Variants in KCNIP4 observed in about 807,000 individuals in gnomAD.
KCNIP4 encodes the protein potassium voltage-gated channel interacting protein 4.
KCNIP4 carries 12 observed loss-of-function variants against 34.0 expected under a neutral mutation model. That is an observed-to-expected ratio of 0.35 (90% CI 0.23 to 0.57). The LOEUF is 0.57. KCNIP4 is among the 20% of genes least tolerant of loss of function. The pLI, the probability that KCNIP4 is intolerant of heterozygous loss-of-function variation, is 0.83. For missense variants in KCNIP4, 238 were observed against 311.7 expected (o/e 0.76, Z 1.78); for synonymous variants, 124 against 102.2 (o/e 1.21, Z -1.29).
chr4:21,513,459 G>A (rs11942384), intron 1 of KCNIP4, among the ~76,000 whole-genome samples: 70,393 of 152,032 alleles, frequency 0.46, 16,995 homozygotes, highest in East Asian at 0.62. Context: ...AGTACCAGAA[G>A]GTAGCATAAT....
intron 1 of KCNIP4, among the ~76,000 whole-genome samples, chr4:21,898,351 C>A (rs915074079): frequency 3.3e-5 from 5 of 152,126 alleles, no homozygotes; most frequent in Non-Finnish European, 5.9e-5. Flanking sequence ...CAACCCCAGG[C>A]AGCACAGCTC....
chr4:21,933,200 A>T (rs1012232615), intron 1 of KCNIP4, among the ~76,000 whole-genome samples: 5 of 152,080 alleles, frequency 3.3e-5, no homozygotes, highest in African/African-American at 1.2e-4. Context: ...AGGGACCAAG[A>T]TCAGATAATG....
At chr4:21,443,529 C>A (rs1727672396) in intron 1 of KCNIP4, among the ~76,000 whole-genome samples, 1 of 152,122 alleles carries the variant, frequency 6.6e-6, no homozygotes, top group African/African-American at 2.4e-5. Context: ...CGACTATACC[C>A]AATCAATTGA....
At chr4:21,287,697 C>A (rs1014643602) in intron 1 of KCNIP4, among the ~76,000 whole-genome samples, 1 of 152,084 alleles carries the variant, frequency 6.6e-6, no homozygotes, top group Admixed American at 6.6e-5. Context: ...CCCACATAAA[C>A]CTATTTTGCA....
intron 1 of KCNIP4, among the ~76,000 whole-genome samples, chr4:21,746,087 T>C (rs1023647904): frequency 3.3e-5 from 5 of 152,158 alleles, no homozygotes; most frequent in African/African-American, 9.6e-5. Context: ...TGTCCCCACA[T>C]AGCTGTCCTC....
Position 21,200,816 on chromosome 4 carries a change from T to TA in KCNIP4, c.62-318108dup, listed in dbSNP as rs57504668. ...TAAAAAAAATAAAAATTTTTTTTTT[T>TA]AAAAAAAGCATCGTTCCATCCAGTG... On this transcript the variant is annotated intron_variant, in intron 1 of 8. Transcript: ENST00000382152. Among the ~76,000 whole-genome samples the TA allele has an allele frequency of 9.2e-5, 14 of 151,994 alleles. 1 individual carries two copies. The highest frequency in any genetic ancestry group is 1.3e-4 in the Admixed American group (2 of 15,262).
chr4:20,914,402 C>T (rs1006109631), intron 1 of KCNIP4, among the ~76,000 whole-genome samples: 3 of 152,092 alleles, frequency 2.0e-5, no homozygotes, highest in South Asian at 2.1e-4. Context: ...AAAGAGACCC[C>T]GGAGAGCTCC....
At chr4:21,237,456 C>T (rs989044371) in intron 1 of KCNIP4, among the ~76,000 whole-genome samples, 16 of 151,994 alleles carry the variant, frequency 1.1e-4, no homozygotes, top group Non-Finnish European at 2.4e-4. Context: ...ATTCCTGGTC[C>T]TATCAAGCCC....
At chr4:21,086,981 CTT>C (rs1491447223) in intron 1 of KCNIP4, among the ~76,000 whole-genome samples, 1 of 145,920 alleles carries the variant, frequency 6.9e-6, no homozygotes, top group Non-Finnish European at 1.5e-5. Context: ...CTCTCTCTCT[CTT>C]TCTTTCTTTT....
chr4:21,627,249 C>A lies in KCNIP4; in HGVS notation c.61+321322G>T, dbSNP rs114492027. ...TTTCTACACTGCATTCTACACTAGG[C>A]AGTTTAGCTCTTGGTTATAAACCAT... On this transcript the variant is annotated intron_variant, in intron 1 of 8. Coordinates refer to ENST00000382152, the MANE Select transcript of KCNIP4 (RefSeq NM_025221.6). Among the ~76,000 whole-genome samples the A allele has an allele frequency of 6.8e-3, 1,039 of 152,202 alleles. 11 individuals are homozygous for A. Among genetic ancestry groups the A allele is most frequent in the African/African-American group, 0.024 (978 of 41,522 alleles).
At chr4:21,935,351 C>G (rs573333418) in intron 1 of KCNIP4, among the ~76,000 whole-genome samples, 1 of 152,140 alleles carries the variant, frequency 6.6e-6, no homozygotes, top group South Asian at 2.1e-4. Flanking sequence ...CCATTATTGT[C>G]CTCAGAAACC....
rs1199656789 is a variant in KCNIP4, at chr4:20,729,084, T to TAGTAGACAGTGG, written c.*986_*997dup. Reference sequence around the variant, plus strand: ...GCTAATTTTGCTTGCTGTTTGTTCTTAGTAGACAGTGGGGTAGTCAAGGTT... The same window carrying TAGTAGACAGTGG: ...GCTAATTTTGCTTGCTGTTTGTTCTTAGTAGACAGTGGAGTAGACAGTGGGGTAGTCAAGGTT... On this transcript the variant is annotated 3_prime_UTR_variant, in exon 9 of 9. Transcript: ENST00000382152. The TAGTAGACAGTGG allele has an allele frequency of 1.3e-5, 2 of 152,108 alleles. No homozygotes were observed. Among genetic ancestry groups the TAGTAGACAGTGG allele is most frequent in the East Asian group, 4.0e-4 (2 of 5,056 alleles). The allele number at this position is 152,108 out of a possible 1,614,324, so 9.4% of individuals were successfully genotyped here.
At chr4:21,639,847 T>C (rs546007210) in intron 1 of KCNIP4, among the ~76,000 whole-genome samples, 1 of 152,280 alleles carries the variant, frequency 6.6e-6, no homozygotes, top group South Asian at 2.1e-4. Context: ...CAGGATAGAT[T>C]TGGGGACCCA....
chr4:21,633,715 G>A lies in KCNIP4; in HGVS notation c.61+314856C>T, dbSNP rs543479423. ...TTATCAAAGATTTCTAAGAACTTTT[G>A]TTAATATGGGTTTTATCTTGATATT... On this transcript the variant is annotated intron_variant, in intron 1 of 8. Coordinates refer to ENST00000382152, the MANE Select transcript of KCNIP4 (RefSeq NM_025221.6). Among the ~76,000 whole-genome samples the A allele has an allele frequency of 1.4e-4, 22 of 152,010 alleles. No homozygotes were observed. In the East Asian group the frequency reaches 2.7e-3, roughly 19 times the overall value.
At chr4:21,131,609 C>G (rs1751079219) in intron 1 of KCNIP4, among the ~76,000 whole-genome samples, 1 of 151,714 alleles carries the variant, frequency 6.6e-6, no homozygotes. Context: ...GACTCAGTCT[C>G]AAAACAAAAA....
intron 1 of KCNIP4, among the ~76,000 whole-genome samples, chr4:20,945,788 G>A (rs948862952): frequency 6.6e-6 from 1 of 152,152 alleles, no homozygotes; most frequent in Non-Finnish European, 1.5e-5. Flanking sequence ...TTAGAGTTCA[G>A]GCAGCCTGAG....
At chr4:21,035,943 G>A (rs1741408308) in intron 1 of KCNIP4, among the ~76,000 whole-genome samples, 1 of 152,134 alleles carries the variant, frequency 6.6e-6, no homozygotes, top group Admixed American at 6.5e-5. Context: ...GAGGGAGGAA[G>A]ACAGCCTAGC....
rs1723689892 is a variant in KCNIP4 at position 21,841,681 on chromosome 4, C to T, written c.61+106890G>A. 3.3e-5 allele frequency among the ~76,000 whole-genome samples: 5 copies of T among 151,974 alleles called. No homozygotes were observed. The South Asian group carries it at 1.0e-3, about 32-fold the overall frequency. On this transcript the variant is annotated intron_variant, in intron 1 of 8. Coordinates refer to ENST00000382152, the MANE Select transcript of KCNIP4 (RefSeq NM_025221.6). ...CCATATGAAATCTATAGGTCAAAAT[C>T]TATAGGTTGTTTTGAAATTTTCTGA...
At chr4:21,221,874 C>T (rs1383098071) in intron 1 of KCNIP4, among the ~76,000 whole-genome samples, 2 of 152,168 alleles carry the variant, frequency 1.3e-5, no homozygotes, top group African/African-American at 4.8e-5. Context: ...GAGATGGCCA[C>T]ACGAATAAGT....
Sources: allele counts gnomAD v4.1 joint callset (sites outside exome capture counted in the v4.1 genomes callset), GRCh38; gene constraint gnomAD v4.1.1; transcripts MANE v1.5; gene names NCBI Gene and HGNC (gene_info 2026-07-23, HGNC 2026-07-21).